Variants in RUVBL1 observed in about 807,000 individuals in gnomAD.
RUVBL1 encodes ruvB-like 1.
Under a neutral mutation model 52.4 loss-of-function variants are expected in RUVBL1, and 4 were observed. The observed-to-expected ratio is 0.08, with a 90% CI of 0.04 to 0.17. The LOEUF is 0.17. Among genes scored for constraint, RUVBL1 ranks in the 10% least tolerant of loss-of-function variants. RUVBL1 has a pLI of 1.00. For synonymous variants in RUVBL1, 217 were observed against 214.4 expected, an observed-to-expected ratio of 1.01 and a Z score of -0.10; for missense variants, 298 against 572.8, an observed-to-expected ratio of 0.52 and a Z score of 4.90.
At chr3:128,133,338 C>A (rs564773271) in intron 1 of RUVBL1, among the ~76,000 whole-genome samples, 1 of 152,182 alleles carries the variant, frequency 6.6e-6, no homozygotes, top group Non-Finnish European at 1.5e-5. Context: ...GAGGGAAGGA[C>A]ATAAGCCTGG....
chr3:128,100,526 T>C, intron 6 of RUVBL1, 69 bp downstream of exon 6: 1 of 1,500,386 alleles, frequency 6.7e-7, no homozygotes, highest in Non-Finnish European at 8.9e-7. Context: ...CTCTGACAAT[T>C]CATTCCCAGA....
chr3:128,101,705 C>A, intron 4 of RUVBL1, 57 bp from the exon 5 acceptor site: 2 of 1,554,232 alleles, frequency 1.3e-6, no homozygotes, highest in Non-Finnish European at 1.8e-6. Flanking sequence ...CTTCTGACAC[C>A]ATGTAAGGTA....
chr3:128,097,220 G>A, intron 8 of RUVBL1, 80 bp downstream of exon 8: 1 of 1,356,992 alleles, frequency 7.4e-7, no homozygotes, highest in South Asian at 1.2e-5. Flanking sequence ...CCACCTCATG[G>A]GGTTTGGAGA....
intron 8 of RUVBL1, among the ~76,000 whole-genome samples, chr3:128,091,315 G>C (rs916362957): frequency 2.0e-5 from 3 of 151,942 alleles, no homozygotes; most frequent in African/African-American, 7.3e-5. Flanking sequence ...GGGGTGGGGA[G>C]GATCACAGTT....
chr3:128,119,809 C>T (rs1286806823), intron 1 of RUVBL1, among the ~76,000 whole-genome samples: 2 of 152,124 alleles, frequency 1.3e-5, no homozygotes, highest in Non-Finnish European at 2.9e-5. Flanking sequence ...TTCAGAAAAT[C>T]CAAAGCAGAA....
In RUVBL1 at chr3:128,140,228, G is replaced by GTTTTTTTTTTTTTTTTTTTTTTTTTTT. The variant is rs372296453; in HGVS notation, c.-40+12974_-40+12975insAAAAAAAAAAAAAAAAAAAAAAAAAAA. ...TGATATGATACAAGTTTTTTTGTTT[G>GTTTTTTTTTTTTTTTTTTTTTTTTTTT]TTTGTTTTTTTTTTTTTTGAGACGG... On this transcript the variant is annotated intron_variant, in intron 1 of 9. Coordinates refer to the RUVBL1 transcript ENST00000464873. Among the ~76,000 whole-genome samples, 2 of 53,448 alleles carry GTTTTTTTTTTTTTTTTTTTTTTTTTTT rather than the reference G, an allele frequency of 3.7e-5. 1 individual carries two copies. Among genetic ancestry groups the GTTTTTTTTTTTTTTTTTTTTTTTTTTT allele is most frequent in the African/African-American group, 9.2e-5 (2 of 21,634 alleles). The allele number at this position is 53,448 out of a possible 152,430, so 35.1% of individuals were successfully genotyped here.
At chr3:128,122,021 C>A (rs1943661873) in intron 1 of RUVBL1, among the ~76,000 whole-genome samples, 1 of 152,192 alleles carries the variant, frequency 6.6e-6, no homozygotes. Context: ...ACACAAGAAC[C>A]TGGTAGCTGA....
intron 3 of RUVBL1, among the ~76,000 whole-genome samples, chr3:128,109,808 A>C (rs1379148490): frequency 1.9e-5 from 1 of 52,298 alleles, no homozygotes; most frequent in Non-Finnish European, 3.7e-5. Context: ...CCTCTCTGTA[A>C]ATTTTTTTTT....
intron 9 of RUVBL1, chr3:128,066,814 C>G: frequency 5.5e-6 from 4 of 731,968 alleles, no homozygotes; most frequent in Non-Finnish European, 6.9e-6. Flanking sequence ...GGCACAAGCT[C>G]TCGGAACTGG....
Position 128,082,462 on chromosome 3 carries a change from G to A in RUVBL1, c.1211+21C>T, listed in dbSNP as rs762655224. On this transcript the variant is annotated intron_variant, in intron 10 of 10. Transcript: ENST00000322623. This position sits in a 1 kb window ranked among gnomAD's most constrained non-coding sequence, Gnocchi z 4.7. ...CTGGCTGTGCTGGGGAGGCCCCGGC[G>A]GGCCCAGGGTACCAGCTCACCTCAG... is the stretch of plus-strand genomic sequence containing the variant. The A allele has an allele frequency of 8.1e-6, 13 of 1,600,698 alleles. No individual in the cohort carries two copies. Among genetic ancestry groups the A allele is most frequent in the Non-Finnish European group, 9.4e-6 (11 of 1,168,592 alleles).
chr3:128,133,217 C>T (rs1943906130), intron 1 of RUVBL1, among the ~76,000 whole-genome samples: 1 of 152,186 alleles, frequency 6.6e-6, no homozygotes, highest in African/African-American at 2.4e-5. Flanking sequence ...ACCAGCTCGG[C>T]TACAGTAGAC....
intron 8 of RUVBL1, among the ~76,000 whole-genome samples, chr3:128,090,391 C>T (rs903547793): frequency 5.9e-5 from 9 of 152,042 alleles, no homozygotes; most frequent in Non-Finnish European, 1.0e-4. Context: ...TGGTGGCGGG[C>T]GCCTGTAGTC....
At chr3:128,150,338 C>G (rs1485359446) in intron 1 of RUVBL1, among the ~76,000 whole-genome samples, 7 of 151,882 alleles carry the variant, frequency 4.6e-5, no homozygotes, top group Non-Finnish European at 1.0e-4. Flanking sequence ...ATGGAATATA[C>G]ATGGAATATA....
chr3:128,139,731 G>A (rs1943992209), intron 1 of RUVBL1, among the ~76,000 whole-genome samples: 1 of 152,194 alleles, frequency 6.6e-6, no homozygotes, highest in African/African-American at 2.4e-5. Context: ...CAACATGGAT[G>A]TAACTGGAGG....
At chr3:128,152,866 T>C (rs1228604715) in intron 1 of RUVBL1, among the ~76,000 whole-genome samples, 1 of 79,502 alleles carries the variant, frequency 1.3e-5, no homozygotes, top group Non-Finnish European at 2.6e-5. Flanking sequence ...GGTGGCCAGC[T>C]TTTATTCCCT....
chr3:128,090,738 C>A (rs1576448347), intron 8 of RUVBL1, among the ~76,000 whole-genome samples: 1 of 152,140 alleles, frequency 6.6e-6, no homozygotes, highest in Non-Finnish European at 1.5e-5. Flanking sequence ...TTTAAAACTA[C>A]ATTTAATTTT....
chr3:128,114,380 G>C (rs891315319), intron 2 of RUVBL1, among the ~76,000 whole-genome samples: 1 of 152,198 alleles, frequency 6.6e-6, no homozygotes, highest in Admixed American at 6.5e-5. Flanking sequence ...GAGAATCAGT[G>C]TATAGCACAG....
chr3:128,067,276 C>A lies in RUVBL1; in HGVS notation c.940-2056G>T. 1.6e-6 allele frequency: 2 copies of A among 1,290,280 alleles called. No homozygotes were observed. Among genetic ancestry groups the A allele is most frequent in the Non-Finnish European group, 1.1e-6 (1 of 918,766 alleles). 79.9% of individuals were successfully genotyped at this position (1,290,280 alleles called of 1,614,324 possible). A position where few individuals can be genotyped will look rare whatever the true frequency, so the allele number is the denominator to read the frequency against. On this transcript the variant is annotated intron_variant, in intron 9 of 9. Transcript: ENST00000464873. This position sits in a 1 kb window ranked among gnomAD's most constrained non-coding sequence, Gnocchi z 4.1. ...TCCATTGTGCCTTTTACAAATTCAG[C>A]ACATTAAATTATCTTTTCAGTAAAA...
chr3:128,104,822 C>A lies in RUVBL1; in HGVS notation c.464G>T (p.Ser155Ile). 6.2e-7 allele frequency: 1 copy of A among 1,613,556 alleles called. No homozygotes were observed. The highest frequency in any genetic ancestry group is 1.1e-5 in the South Asian group (1 of 91,054). The change falls in exon 4 of 11, where the codon AGC (serine) becomes ATC (isoleucine). Residue 155 changes from serine (S) to isoleucine (I), a missense_variant. This residue lies in a region of RUVBL1 where 58 missense variants were observed against 83.2 expected (regional missense o/e 0.70). Coordinates refer to ENST00000322623, the MANE Select transcript of RUVBL1 (RefSeq NM_003707.3). ...TGTTTTGAGTCCTATGATCACATGGCTAATGGTTTTGCCATATCCTCCCAT... is the reference window on the plus strand; with the variant it reads ...TGTTTTGAGTCCTATGATCACATGGATAATGGTTTTGCCATATCCTCCCAT... ...NPMGGYGKTI[S>I]HVIIGLKTAK...
Sources: gnomAD v4.1 joint callset for allele counts (sites outside exome capture counted in the v4.1 genomes callset) on GRCh38, gnomAD v4.1.1 for gene constraint, gnomAD v4.1.1 regional missense constraint, Gnocchi (gnomAD v3.1) non-coding constraint, MANE v1.5 for transcripts, NCBI Gene and HGNC (gene_info 2026-07-23, HGNC 2026-07-21) for gene names.